The following CADM2 variants were observed in gnomAD, a reference collection of about 807,000 sequenced individuals.
CADM2 encodes cell adhesion molecule 2, also known as immunoglobulin superfamily member 4D.
A neutral mutation model predicts 49.8 loss-of-function variants in CADM2; 12 were observed. The observed-to-expected ratio is 0.24, with a 90% CI of 0.15 to 0.39. CADM2 has a LOEUF of 0.39. Among genes scored for constraint, CADM2 ranks in the 10% least tolerant of loss-of-function variants. The pLI is 1.00. For missense variants in CADM2, 378 were observed against 492.3 expected, an observed-to-expected ratio of 0.77 and a Z score of 2.20; for synonymous variants, 214 against 175.4, an observed-to-expected ratio of 1.22 and a Z score of -1.74.
intron 1 of CADM2, among the ~76,000 whole-genome samples, chr3:85,564,638 C>A (rs115037484): frequency 0.06 from 9,085 of 151,998 alleles, 618 homozygotes; most frequent in African/African-American, 0.17. Flanking sequence ...TGTGGAATTA[C>A]TAGAAATAAT....
chr3:85,082,911 A>G (rs1374137388), intron 1 of CADM2, among the ~76,000 whole-genome samples: 1 of 152,142 alleles, frequency 6.6e-6, no homozygotes, highest in Non-Finnish European at 1.5e-5. Context: ...CTGAGTGCAT[A>G]TGTCCTGAAG....
chr3:85,932,864 C>G (rs1003664134), intron 6 of CADM2, among the ~76,000 whole-genome samples: 2 of 151,868 alleles, frequency 1.3e-5, no homozygotes, highest in African/African-American at 2.4e-5. Flanking sequence ...TAACTTAGAG[C>G]TTATTTAGGT....
intron 1 of CADM2, among the ~76,000 whole-genome samples, chr3:85,342,268 A>G (rs1271687845): frequency 6.6e-6 from 1 of 152,162 alleles, no homozygotes; most frequent in Non-Finnish European, 1.5e-5. Flanking sequence ...AAAAATGCTC[A>G]TCATCACTGG....
intron 8 of CADM2, among the ~76,000 whole-genome samples, chr3:86,037,848 C>CT (rs1332942167): frequency 2.0e-5 from 3 of 152,070 alleles, no homozygotes; most frequent in Non-Finnish European, 2.9e-5. Context: ...TTATTTTACT[C>CT]TAAGTTCCAG....
At chr3:85,797,345 T>G (rs1395013925) in intron 2 of CADM2, among the ~76,000 whole-genome samples, 4 of 152,116 alleles carry the variant, frequency 2.6e-5, no homozygotes, top group Admixed American at 6.5e-5. Flanking sequence ...CCATGGTGGT[T>G]TGCTGCACCT....
chr3:85,185,850 T>C (rs997617614), intron 1 of CADM2, among the ~76,000 whole-genome samples: 1 of 152,122 alleles, frequency 6.6e-6, no homozygotes, highest in Non-Finnish European at 1.5e-5. Context: ...GGGGAGAAAA[T>C]ACAAGAATGA....
intron 1 of CADM2, among the ~76,000 whole-genome samples, chr3:85,260,730 A>T (rs1016560807): frequency 1.3e-5 from 2 of 152,196 alleles, no homozygotes; most frequent in Non-Finnish European, 2.9e-5. Context: ...ATTCTCAAGC[A>T]GCTTAGTGAT....
At chr3:85,768,484 A>ATAAATAAG (rs2069790073) in intron 2 of CADM2, among the ~76,000 whole-genome samples, 5 of 106,566 alleles carry the variant, frequency 4.7e-5, no homozygotes, top group African/African-American at 2.0e-4. Context: ...AAATAAATAA[A>ATAAATAAG]TAAATTTAAA....
chr3:85,398,362 T>C (rs1576481094), intron 1 of CADM2, among the ~76,000 whole-genome samples: 1 of 152,326 alleles, frequency 6.6e-6, no homozygotes, highest in African/African-American at 2.4e-5. Context: ...TGCATAGTTT[T>C]CCATGGTGTA....
chr3:85,923,537 C>CCAA (rs71617951), intron 6 of CADM2, among the ~76,000 whole-genome samples: 1 of 136,706 alleles, frequency 7.3e-6, no homozygotes, highest in Non-Finnish European at 1.6e-5. Flanking sequence ...ATCATGAAAG[C>CCAA]AAAAAAAAAA....
chr3:85,065,012 C>T (rs1032083050), intron 1 of CADM2, among the ~76,000 whole-genome samples: 3 of 152,040 alleles, frequency 2.0e-5, no homozygotes, highest in Non-Finnish European at 2.9e-5. Context: ...GGAAAGTTAT[C>T]TTTATTACCA....
At chr3:85,942,905 G>A (rs903754974) in intron 7 of CADM2, among the ~76,000 whole-genome samples, 5 of 151,952 alleles carry the variant, frequency 3.3e-5, no homozygotes, top group Non-Finnish European at 7.4e-5. Context: ...CTGAGGAATC[G>A]CCACACCGAC....
rs1228698838 is a variant in CADM2, at chr3:85,097,688, G to A, written c.61+138020G>A. ...TTTGATTGGACATACAGCTGTAATT[G>A]GCAAATTTTTCTCACAATAATGGTC... On this transcript the variant is annotated intron_variant, in intron 1 of 9. Coordinates refer to ENST00000383699, the MANE Select transcript of CADM2 (RefSeq NM_001167675.2). Among the ~76,000 whole-genome samples, 3 of 152,108 alleles carry A rather than the reference G, an allele frequency of 2.0e-5. No individual in the cohort carries two copies. In the South Asian group the frequency reaches 6.2e-4, roughly 32 times the overall value.
intron 5 of CADM2, among the ~76,000 whole-genome samples, chr3:85,903,833 A>G (rs2108456415): frequency 6.6e-6 from 1 of 152,240 alleles, no homozygotes; most frequent in Non-Finnish European, 1.5e-5. Flanking sequence ...ACTGTTTTCA[A>G]TAATGCTATG....
chr3:85,801,258 T>C (rs2108073042), intron 2 of CADM2, among the ~76,000 whole-genome samples: 1 of 152,254 alleles, frequency 6.6e-6, no homozygotes, highest in Admixed American at 6.5e-5. Context: ...ATTAGTAAAA[T>C]GCTTAAGAAG....
At chr3:85,859,108 C>T (rs571439174) in intron 3 of CADM2, among the ~76,000 whole-genome samples, 3 of 151,626 alleles carry the variant, frequency 2.0e-5, no homozygotes, top group East Asian at 3.9e-4. Flanking sequence ...AAGTAATAAA[C>T]GTTATTCACA....
At chr3:85,821,857 A>T (rs897612531) in intron 3 of CADM2, among the ~76,000 whole-genome samples, 3 of 152,182 alleles carry the variant, frequency 2.0e-5, no homozygotes, top group African/African-American at 7.2e-5. Context: ...TCAGCTTATT[A>T]TTAGGTTCTG....
chr3:85,464,897 C>G lies in CADM2; in HGVS notation c.62-261625C>G, dbSNP rs371526619. Among the ~76,000 whole-genome samples, 102 of 152,304 alleles carry G rather than the reference C, an allele frequency of 6.7e-4. 1 individual carries two copies. The highest frequency in any genetic ancestry group is 2.3e-3 in the African/African-American group (97 of 41,570). ...CAAGCTCAGTGGCTCACGCCGTAAT[C>G]TCAGCACTTTGGGAGGCCGAGGTGG... On this transcript the variant is annotated intron_variant, in intron 1 of 9. Coordinates refer to ENST00000383699, the MANE Select transcript of CADM2 (RefSeq NM_001167675.2).
chr3:85,890,732 A>G (rs1714317163), intron 5 of CADM2, among the ~76,000 whole-genome samples: 1 of 151,760 alleles, frequency 6.6e-6, no homozygotes, highest in Admixed American at 6.6e-5. Context: ...TCCCAAGCTT[A>G]ACTTTCCCTT....
Sources: allele counts gnomAD v4.1 joint callset (sites outside exome capture counted in the v4.1 genomes callset), GRCh38; gene constraint gnomAD v4.1.1; transcripts MANE v1.5; gene names NCBI Gene and HGNC (gene_info 2026-07-23, HGNC 2026-07-21).